PDE10A: variants seen among roughly 807,000 people sequenced by gnomAD.
PDE10A encodes the protein phosphodiesterase 10A.
Under a neutral mutation model 97.7 loss-of-function variants are expected in PDE10A, and 39 were observed. The observed-to-expected ratio is 0.40, with a 90% CI of 0.31 to 0.52. The LOEUF (loss-of-function observed/expected upper bound fraction) is 0.52, where lower values mean the gene tolerates loss of function less well. Among genes scored for constraint, PDE10A ranks in the 20% least tolerant of loss-of-function variants. The probability of loss-of-function intolerance (pLI) is 0.56; values close to 1 mark genes in which losing one functional copy is unlikely to be tolerated. For synonymous variants in PDE10A, 371 were observed against 376.8 expected, an observed-to-expected ratio of 0.98 and a Z score of 0.18; for missense variants, 731 against 1,047.8, an observed-to-expected ratio of 0.70 and a Z score of 4.17.
chr6:165,738,868 A>G (rs1562712328), intron 1 of PDE10A, among the ~76,000 whole-genome samples: 1 of 152,228 alleles, frequency 6.6e-6, no homozygotes, highest in South Asian at 2.1e-4. Context: ...ACAAACCACC[A>G]AAAGAGAAAT....
intron 1 of PDE10A, among the ~76,000 whole-genome samples, chr6:165,824,945 A>G (rs1770823538): frequency 6.8e-6 from 1 of 146,018 alleles, no homozygotes; most frequent in Non-Finnish European, 1.5e-5. Flanking sequence ...AGCCTGGCCA[A>G]CATGGTGAAA....
At chr6:165,422,984 G>A (rs1019626119) in intron 10 of PDE10A, among the ~76,000 whole-genome samples, 10 of 152,148 alleles carry the variant, frequency 6.6e-5, no homozygotes, top group African/African-American at 2.4e-4. Flanking sequence ...TCTTGTTGGT[G>A]AAGTGAGTGA....
At chr6:165,931,936 G>A (rs960448605) in intron 1 of PDE10A, among the ~76,000 whole-genome samples, 2 of 152,184 alleles carry the variant, frequency 1.3e-5, no homozygotes, top group Admixed American at 1.3e-4. Flanking sequence ...GCCACACCCT[G>A]CGGCTCTCAT....
chr6:165,443,658 C>T (rs147288860), intron 5 of PDE10A, among the ~76,000 whole-genome samples: 88 of 152,236 alleles, frequency 5.8e-4, no homozygotes, highest in African/African-American at 1.9e-3. Flanking sequence ...AGAGGTTCTC[C>T]GTGAGGGCTC....
intron 1 of PDE10A, among the ~76,000 whole-genome samples, chr6:165,812,196 T>G (rs1183578877): frequency 6.6e-6 from 1 of 151,934 alleles, no homozygotes; most frequent in East Asian, 2.0e-4. Flanking sequence ...TTTCAGAAAG[T>G]AGGAAGGTAG....
At chr6:165,821,537 G>T (rs1306528312) in intron 1 of PDE10A, among the ~76,000 whole-genome samples, 1 of 104,356 alleles carries the variant, frequency 9.6e-6, no homozygotes, top group African/African-American at 2.8e-5. Flanking sequence ...ATTTTTCCGA[G>T]ACAGTCTTGC....
At chr6:165,499,189 A>T (rs1780723417) in intron 2 of PDE10A, among the ~76,000 whole-genome samples, 1 of 152,180 alleles carries the variant, frequency 6.6e-6, no homozygotes, top group Non-Finnish European at 1.5e-5. Flanking sequence ...GGCCAACAGT[A>T]GCCGGGGAAG....
intron 1 of PDE10A, among the ~76,000 whole-genome samples, chr6:165,690,409 T>C (rs1791239708): frequency 6.6e-6 from 1 of 152,208 alleles, no homozygotes; most frequent in Non-Finnish European, 1.5e-5. Context: ...ATGGATTCTA[T>C]TACTCTCCCT....
chr6:165,770,273 G>A (rs1777969254), intron 1 of PDE10A, among the ~76,000 whole-genome samples: 1 of 150,682 alleles, frequency 6.6e-6, no homozygotes, highest in Non-Finnish European at 1.5e-5. Flanking sequence ...ACATTTCCCA[G>A]TACTCTGCAA....
intron 2 of PDE10A, among the ~76,000 whole-genome samples, chr6:165,514,017 C>T (rs964769579): frequency 1.3e-5 from 2 of 152,122 alleles, no homozygotes; most frequent in Admixed American, 6.6e-5. Context: ...AAGTTAACAA[C>T]TGTCCTTCTA....
At chr6:165,535,612 T>G (rs1194328673) in intron 2 of PDE10A, among the ~76,000 whole-genome samples, 1 of 151,584 alleles carries the variant, frequency 6.6e-6, no homozygotes, top group East Asian at 1.9e-4. Flanking sequence ...CGTGTGTGTG[T>G]GTGTGTGTAC....
intron 1 of PDE10A, among the ~76,000 whole-genome samples, chr6:165,619,069 GTAGTGTAGT>G (rs1562633668): frequency 7.0e-5 from 8 of 114,116 alleles, no homozygotes; most frequent in African/African-American, 3.1e-4. Flanking sequence ...GTAGTGTAGT[GTAGTGTAGT>G]CTAGTGTAGT....
intron 2 of PDE10A, among the ~76,000 whole-genome samples, chr6:165,502,108 C>A (rs892867273): frequency 6.6e-6 from 1 of 152,148 alleles, no homozygotes; most frequent in African/African-American, 2.4e-5. Context: ...CCTTACCTCA[C>A]ACAATACATA....
At chr6:165,386,914 G>A (rs1785345737) in intron 17 of PDE10A, among the ~76,000 whole-genome samples, 1 of 152,030 alleles carries the variant, frequency 6.6e-6, no homozygotes, top group South Asian at 2.1e-4. Flanking sequence ...TACTTGGGAG[G>A]CTGAGGCAGG....
chr6:165,875,734 T>TTTTTTTTG (rs1554334708), intron 1 of PDE10A, among the ~76,000 whole-genome samples: 65 of 121,702 alleles, frequency 5.3e-4, no homozygotes, highest in Middle Eastern at 3.9e-3. Flanking sequence ...TTTTACTGTT[T>TTTTTTTTG]TTTTTTTTTT....
chr6:165,453,505 T>A (rs1235031441), intron 3 of PDE10A, among the ~76,000 whole-genome samples: 2 of 152,204 alleles, frequency 1.3e-5, no homozygotes, highest in African/African-American at 2.4e-5. Context: ...AGGGCAAGGT[T>A]TCCAGAAGGT....
chr6:165,417,602 T>C (rs1455379732), intron 11 of PDE10A, among the ~76,000 whole-genome samples: 2 of 151,930 alleles, frequency 1.3e-5, no homozygotes, highest in African/African-American at 4.8e-5. Context: ...AATGACTATA[T>C]CCAGATGCTA....
At chr6:165,896,958 C>G (rs2128483443) in intron 1 of PDE10A, among the ~76,000 whole-genome samples, 1 of 152,220 alleles carries the variant, frequency 6.6e-6, no homozygotes, top group South Asian at 2.1e-4. Flanking sequence ...GCATGAGCCA[C>G]CACCCCTGGC....
At chr6:165,539,335 T>C (rs1783283053) in intron 2 of PDE10A, among the ~76,000 whole-genome samples, 1 of 152,198 alleles carries the variant, frequency 6.6e-6, no homozygotes, top group African/African-American at 2.4e-5. Context: ...ATTTAGATCT[T>C]TGAGGAGTTG....
Sources: gnomAD v4.1 joint callset for allele counts (sites outside exome capture counted in the v4.1 genomes callset) on GRCh38, gnomAD v4.1.1 for gene constraint, MANE v1.5 for transcripts, NCBI Gene and HGNC (gene_info 2026-07-23, HGNC 2026-07-21) for gene names.